The following SMYD3 variants were observed in gnomAD, a reference collection of about 807,000 sequenced individuals.
SMYD3 encodes SET and MYND domain containing 3.
In SMYD3, 36 loss-of-function variants were observed where a neutral mutation model predicts 57.7. The observed-to-expected ratio is 0.62, with a 90% CI of 0.48 to 0.82. The LOEUF is 0.82. SMYD3 is among the 40% of genes least tolerant of loss of function. The pLI, the probability that SMYD3 is intolerant of heterozygous loss-of-function variation, is 0.00. For synonymous variants in SMYD3, 211 were observed against 195.0 expected (o/e 1.08, Z -0.68); for missense variants, 515 against 538.8 (o/e 0.96, Z 0.44).
chr1:245,784,319 T>C (rs1284686454), intron 10 of SMYD3, among the ~76,000 whole-genome samples: 1 of 152,202 alleles, frequency 6.6e-6, no homozygotes, highest in African/African-American at 2.4e-5. Flanking sequence ...GTTCTAGTCA[T>C]CTACTGCTGT....
chr1:246,156,460 A>C (rs1408669254), intron 5 of SMYD3, among the ~76,000 whole-genome samples: 1 of 152,236 alleles, frequency 6.6e-6, no homozygotes, highest in East Asian at 1.9e-4. Flanking sequence ...TGGGAAGGTA[A>C]GAACATATTT....
chr1:246,259,157 T>C (rs1273248060), intron 5 of SMYD3, among the ~76,000 whole-genome samples: 1 of 152,234 alleles, frequency 6.6e-6, no homozygotes, highest in African/African-American at 2.4e-5. Flanking sequence ...TTGTCTTGGA[T>C]CTCATTGAGC....
At chr1:246,108,370 C>T (rs1410329681) in intron 5 of SMYD3, among the ~76,000 whole-genome samples, 2 of 152,202 alleles carry the variant, frequency 1.3e-5, no homozygotes, top group Non-Finnish European at 2.9e-5. Flanking sequence ...ACAGGTATCA[C>T]ATCAGAAAAT....
intron 9 of SMYD3, among the ~76,000 whole-genome samples, chr1:245,859,636 C>T (rs1056188472): frequency 2.6e-5 from 4 of 152,164 alleles, no homozygotes; most frequent in South Asian, 2.1e-4. Context: ...CTTCACTGTG[C>T]GGTGTGTTAG....
rs1457403444 is a variant in SMYD3 at position 246,507,208 on chromosome 1, G to A, written c.10C>T (p.Leu4=). The A allele has an allele frequency of 2.6e-6, 4 of 1,522,040 alleles. No individual in the cohort carries two copies. Among genetic ancestry groups the A allele is most frequent in the Non-Finnish European group, 3.5e-6 (4 of 1,134,036 alleles). 94.3% of individuals were successfully genotyped at this position (1,522,040 alleles called of 1,614,324 possible). MEP[L]KVEKFATAKR... ...GCGGTTGCGAACTTTTCCACCTTCA[G>A]CGGCTCCATCCTCCCGCAGCTCCGG... The change falls in exon 1 of 12, where the codon CTG becomes TTG. Residue 4 remains leucine, a synonymous_variant. Coordinates refer to ENST00000490107, the MANE Select transcript of SMYD3 (RefSeq NM_001167740.2).
chr1:245,980,339 C>T (rs1163713439), intron 5 of SMYD3, among the ~76,000 whole-genome samples: 3 of 152,294 alleles, frequency 2.0e-5, no homozygotes, highest in Non-Finnish European at 4.4e-5. Flanking sequence ...TGTACTTCAT[C>T]GACTCCACTC....
At chr1:245,934,146 A>T (rs182090791) in intron 5 of SMYD3, among the ~76,000 whole-genome samples, 39 of 152,370 alleles carry the variant, frequency 2.6e-4, no homozygotes, top group African/African-American at 9.1e-4. Context: ...TGTCTGGCAC[A>T]GAAGACTTTA....
At chr1:246,257,309 G>A (rs1015260166) in intron 5 of SMYD3, among the ~76,000 whole-genome samples, 4 of 152,136 alleles carry the variant, frequency 2.6e-5, no homozygotes, top group African/African-American at 9.7e-5. Flanking sequence ...CCTAGGTCTT[G>A]TTTTATCAAT....
intron 5 of SMYD3, among the ~76,000 whole-genome samples, chr1:246,206,312 T>C (rs1419028553): frequency 6.6e-6 from 1 of 152,068 alleles, no homozygotes; most frequent in Non-Finnish European, 1.5e-5. Context: ...TATTCTACCA[T>C]AAACCAACAT....
chr1:246,354,922 T>C (rs2065887326), intron 2 of SMYD3, 109 bp downstream of exon 2: 1 of 951,156 alleles, frequency 1.1e-6, no homozygotes, highest in Non-Finnish European at 1.6e-6. Context: ...CAAGTAAAAG[T>C]AAATTAAAGG....
At position 246,434,085 on chromosome 1, in the gene SMYD3, GACCT is replaced by G. The variant is rs2067335596; in HGVS notation, c.164+72965_164+72968del. 3.9e-5 allele frequency among the ~76,000 whole-genome samples: 6 copies of G among 152,222 alleles called. No individual in the cohort carries two copies. The South Asian group carries it at 1.2e-3, about 32-fold the overall frequency. On this transcript the variant is annotated intron_variant, in intron 1 of 11. Transcript: ENST00000490107. ...ACCTATATGCAGAAGAATACAACTG[GACCT>G]CTACCTTTCATCATGTACAGAAATT... is the stretch of plus-strand genomic sequence containing the variant.
chr1:245,753,141 T>C (rs2045463105), intron 11 of SMYD3, among the ~76,000 whole-genome samples: 1 of 151,854 alleles, frequency 6.6e-6, no homozygotes, highest in Admixed American at 6.6e-5. Flanking sequence ...CCCTCAGGAA[T>C]GTGTGTGTAG....
chr1:245,920,098 G>A (rs186723050), intron 7 of SMYD3, among the ~76,000 whole-genome samples: 10 of 152,096 alleles, frequency 6.6e-5, no homozygotes, highest in Non-Finnish European at 1.3e-4. Context: ...AGGATCACGA[G>A]GTCAGGAGAT....
intron 10 of SMYD3, among the ~76,000 whole-genome samples, chr1:245,798,426 C>T (rs80332878): frequency 6.7e-4 from 3 of 4,494 alleles, no homozygotes; most frequent in African/African-American, 3.2e-3. Flanking sequence ...ATACACACCC[C>T]CACACACATA....
At chr1:246,482,263 G>A (rs2068120953) in intron 1 of SMYD3, among the ~76,000 whole-genome samples, 1 of 152,114 alleles carries the variant, frequency 6.6e-6, no homozygotes, top group Non-Finnish European at 1.5e-5. Flanking sequence ...TTACACTAAT[G>A]GTTATCACCT....
intron 1 of SMYD3, among the ~76,000 whole-genome samples, chr1:246,395,543 T>C (rs926976982): frequency 1.3e-5 from 2 of 152,110 alleles, no homozygotes; most frequent in East Asian, 3.9e-4. Flanking sequence ...TTCCACCTTT[T>C]TCACAAGTGG....
At chr1:245,984,361 T>C (rs1431892289) in intron 5 of SMYD3, among the ~76,000 whole-genome samples, 2 of 152,162 alleles carry the variant, frequency 1.3e-5, no homozygotes, top group Non-Finnish European at 2.9e-5. Context: ...AGAAAAAGTA[T>C]GTCATCAGGA....
chr1:246,252,776 A>C (rs532391365), intron 5 of SMYD3, among the ~76,000 whole-genome samples: 38 of 152,326 alleles, frequency 2.5e-4, no homozygotes, highest in African/African-American at 8.9e-4. Context: ...CTATGTCTGA[A>C]ATAGTTATAT....
intron 10 of SMYD3, among the ~76,000 whole-genome samples, chr1:245,785,620 C>T (rs935046512): frequency 6.6e-6 from 1 of 151,760 alleles, no homozygotes. Context: ...AGACAGGGCA[C>T]CTCTCCCCCA....
Sources: allele counts gnomAD v4.1 joint callset (sites outside exome capture counted in the v4.1 genomes callset), GRCh38; gene constraint gnomAD v4.1.1; transcripts MANE v1.5; gene names NCBI Gene and HGNC (gene_info 2026-07-23, HGNC 2026-07-21).